Variants in GRK7 observed in about 807,000 individuals in gnomAD.
The protein encoded by GRK7 is G protein-coupled receptor kinase 7.
Under a neutral mutation model 34.1 loss-of-function variants are expected in GRK7, and 24 were observed. The observed-to-expected ratio is 0.70, with a 90% CI of 0.51 to 0.99. GRK7 has a LOEUF of 0.99. Ranked by LOEUF, GRK7 falls within the 50% of genes least tolerant of loss-of-function variation. The probability of loss-of-function intolerance (pLI) is 0.00; values close to 1 mark genes in which losing one functional copy is unlikely to be tolerated. For synonymous variants in GRK7, 256 were observed against 279.4 expected (o/e 0.92, Z 0.84); for missense variants, 644 against 707.3 (o/e 0.91, Z 1.02).
At chr3:141,796,261 A>T (rs970141268) in intron 4 of GRK7, among the ~76,000 whole-genome samples, 6 of 152,180 alleles carry the variant, frequency 3.9e-5, no homozygotes, top group African/African-American at 1.4e-4. Flanking sequence ...AAATGTACTC[A>T]TGGGTTGGCC....
Position 141,794,176 on chromosome 3 carries a change from G to A in GRK7, c.1050+13365G>A, listed in dbSNP as rs140460689. 3.3e-4 allele frequency among the ~76,000 whole-genome samples: 50 copies of A among 152,270 alleles called. No homozygotes were observed. The South Asian group carries it at 5.2e-3, about 16-fold the overall frequency. ...CTGTGTGAGCTGAGGCTCCAAGTAC[G>A]GCTCTATTGGCTTATTGGACTTCAC... On this transcript the variant is annotated intron_variant, in intron 4 of 5. Coordinates refer to ENST00000682958, the MANE Select transcript of GRK7 (RefSeq NM_139209.3).
intron 2 of GRK7, among the ~76,000 whole-genome samples, chr3:141,776,941 G>T (rs1383455571): frequency 6.6e-6 from 1 of 152,166 alleles, no homozygotes; most frequent in African/African-American, 2.4e-5. Context: ...TGGAGCAGAA[G>T]TTCTTAGCCT....
chr3:141,762,992 C>A (rs1360746752), upstream of GRK7, among the ~76,000 whole-genome samples: 1 of 152,212 alleles, frequency 6.6e-6, no homozygotes, highest in African/African-American at 2.4e-5. Flanking sequence ...GGCTCGCGCC[C>A]GGTGCGCGCA....
chr3:141,799,651 G>A (rs1343024464), intron 4 of GRK7, among the ~76,000 whole-genome samples: 1 of 151,828 alleles, frequency 6.6e-6, no homozygotes, highest in Non-Finnish European at 1.5e-5. Context: ...TGATTCTTAG[G>A]TTGGTGATCT....
intron 3 of GRK7, among the ~76,000 whole-genome samples, chr3:141,779,363 C>CCA (rs199594536): frequency 0.012 from 1,691 of 137,634 alleles, 33 homozygotes; most frequent in East Asian, 0.091. Flanking sequence ...TTGCAGTGAG[C>CCA]CAAGATCGTG....
chr3:141,779,368 A>G, intron 3 of GRK7, among the ~76,000 whole-genome samples: 2 of 140,118 alleles, frequency 1.4e-5, no homozygotes, highest in Non-Finnish European at 3.0e-5. Flanking sequence ...GTGAGCCAAG[A>G]TCGTGCCACT....
rs960183154 is a variant in GRK7 at position 141,794,817 on chromosome 3, G to A, written c.1051-12828G>A. Among the ~76,000 whole-genome samples, 31 of 152,090 alleles carry A rather than the reference G, an allele frequency of 2.0e-4. 1 individual carries two copies. Among genetic ancestry groups the A allele is most frequent in the Admixed American group, 2.0e-3 (30 of 15,260 alleles). On this transcript the variant is annotated intron_variant, in intron 4 of 5. Transcript: ENST00000682958. Reference sequence around the variant, plus strand: ...TAGGCCTCAGTGATGGTTTGGATACGGGGTTAAGGGAGATGGGGTGTCAAG... The same window carrying A: ...TAGGCCTCAGTGATGGTTTGGATACAGGGTTAAGGGAGATGGGGTGTCAAG...
At chr3:141,812,933 C>T (rs904836409) in intron 5 of GRK7, among the ~76,000 whole-genome samples, 10 of 152,148 alleles carry the variant, frequency 6.6e-5, no homozygotes, top group African/African-American at 2.4e-4. Flanking sequence ...CCTGTGGCAC[C>T]TAGTCCCATT....
intron 4 of GRK7, among the ~76,000 whole-genome samples, chr3:141,793,837 G>C (rs1056753829): frequency 2.0e-5 from 3 of 152,172 alleles, no homozygotes; most frequent in African/African-American, 7.2e-5. Context: ...CAAATATCGG[G>C]AAAAAGCCTC....
At position 141,818,967 on chromosome 3, in the gene GRK7, C is replaced by A. The variant is rs1711182736; in HGVS notation, c.*1917C>A. Among the ~76,000 whole-genome samples the A allele has an allele frequency of 6.6e-6, 1 of 152,194 alleles. No homozygotes were observed. ...GCTCCTCCTCCATCCTCAGCATGCT[C>A]CCTAATGCTCCAAATCCTAACCTAG... is the stretch of plus-strand genomic sequence containing the variant. On this transcript the variant is annotated 3_prime_UTR_variant, in exon 6 of 6. Coordinates refer to ENST00000682958, the MANE Select transcript of GRK7 (RefSeq NM_139209.3).
intron 4 of GRK7, among the ~76,000 whole-genome samples, chr3:141,806,646 A>T (rs1343330511): frequency 6.6e-6 from 1 of 152,054 alleles, no homozygotes. Flanking sequence ...TAAAAAGACA[A>T]TTATTGCATG....
Position 141,764,537 on chromosome 3 carries a change from T to G in GRK7, c.-1416T>G, listed in dbSNP as rs1056212711. ...CCCTTGATATCCAGGATCCACATTC[T>G]GTCTCTCCTAATACCCCACTGCCCT... On this transcript the variant is annotated 5_prime_UTR_variant, in exon 1 of 6. Coordinates refer to ENST00000682958, the MANE Select transcript of GRK7 (RefSeq NM_139209.3). 6.6e-6 allele frequency among the ~76,000 whole-genome samples: 1 copy of G among 152,176 alleles called. No homozygotes were observed. Among genetic ancestry groups the G allele is most frequent in the African/African-American group, 2.4e-5 (1 of 41,440 alleles).
chr3:141,812,853 C>G (rs903258552), intron 5 of GRK7, among the ~76,000 whole-genome samples: 2 of 152,012 alleles, frequency 1.3e-5, no homozygotes, highest in African/African-American at 2.4e-5. Flanking sequence ...TTTTAAGGGC[C>G]CTTTTGACAC....
At chr3:141,762,366 A>G (rs1436932156), upstream of GRK7, among the ~76,000 whole-genome samples, 2 of 145,152 alleles carry the variant, frequency 1.4e-5, no homozygotes, top group African/African-American at 5.1e-5. Context: ...CTGTTGGAAT[A>G]CCCTGCCGTG....
At chr3:141,801,043 G>A (rs533443090) in intron 4 of GRK7, among the ~76,000 whole-genome samples, 91 of 152,272 alleles carry the variant, frequency 6.0e-4, no homozygotes, top group African/African-American at 2.1e-3. Context: ...GGGTGCAGTG[G>A]CTCACACCTG....
the GRK7 span, among the ~76,000 whole-genome samples, chr3:141,750,219 T>C: frequency 2.0e-5 from 3 of 152,318 alleles, no homozygotes; most frequent in Admixed American, 6.5e-5. Context: ...CCTTTCAGAA[T>C]GGGAGTAAGC....
chr3:141,807,308 C>A (rs530978949), intron 4 of GRK7, among the ~76,000 whole-genome samples: 2 of 152,160 alleles, frequency 1.3e-5, no homozygotes, highest in Admixed American at 1.3e-4. Flanking sequence ...TCCACTTGAA[C>A]TTTTCATCTT....
At chr3:141,804,802 C>T (rs374218783) in intron 4 of GRK7, among the ~76,000 whole-genome samples, 2,066 of 142,518 alleles carry the variant, frequency 0.014, 26 homozygotes, top group Middle Eastern at 0.024. Context: ...CACACATACA[C>T]ACATGCACAT....
At chr3:141,791,492 A>G (rs1392905775) in intron 4 of GRK7, among the ~76,000 whole-genome samples, 2 of 152,190 alleles carry the variant, frequency 1.3e-5, no homozygotes, top group Non-Finnish European at 2.9e-5. Context: ...ACCAGCATTG[A>G]CCAAATTTAA....
Sources: allele counts gnomAD v4.1 joint callset (sites outside exome capture counted in the v4.1 genomes callset), GRCh38; gene constraint gnomAD v4.1.1; transcripts MANE v1.5; gene names NCBI Gene and HGNC (gene_info 2026-07-23, HGNC 2026-07-21).